CADPS: variants seen among roughly 807,000 people sequenced by gnomAD.
CADPS encodes the protein calcium dependent secretion activator.
In CADPS, 57 loss-of-function variants were observed where a neutral mutation model predicts 167.3. That is an observed-to-expected ratio of 0.34 (90% CI 0.28 to 0.42). CADPS has a LOEUF of 0.42. Ranked by LOEUF, CADPS falls within the 20% of genes least tolerant of loss-of-function variation. The pLI is 1.00. For missense variants in CADPS, 1,414 were observed against 1,738.1 expected, an observed-to-expected ratio of 0.81 and a Z score of 3.32; for synonymous variants, 676 against 635.3, an observed-to-expected ratio of 1.06 and a Z score of -0.96.
chr3:62,827,654 T>C (rs2074310023), intron 1 of CADPS, among the ~76,000 whole-genome samples: 1 of 152,192 alleles, frequency 6.6e-6, no homozygotes, highest in South Asian at 2.1e-4. Flanking sequence ...CAAATAGCTT[T>C]GATATACAAT....
intron 6 of CADPS, among the ~76,000 whole-genome samples, chr3:62,630,436 C>T (rs2065064396): frequency 6.6e-6 from 1 of 152,154 alleles, no homozygotes; most frequent in Non-Finnish European, 1.5e-5. Flanking sequence ...CACCTCTCAG[C>T]TTCAAGCCAT....
chr3:62,836,120 C>T (rs528127910), intron 1 of CADPS, among the ~76,000 whole-genome samples: 53 of 152,180 alleles, frequency 3.5e-4, no homozygotes, highest in Non-Finnish European at 6.5e-4. Context: ...AAAATGTTAA[C>T]CCTTACTGAT....
chr3:62,575,710 C>A (rs2082127966), intron 8 of CADPS, among the ~76,000 whole-genome samples: 1 of 152,212 alleles, frequency 6.6e-6, no homozygotes, highest in Non-Finnish European at 1.5e-5. Context: ...CACACTCTTC[C>A]TCCTTCCTTC....
intron 3 of CADPS, among the ~76,000 whole-genome samples, chr3:62,689,395 G>A (rs2078681400): frequency 6.6e-6 from 1 of 152,024 alleles, no homozygotes; most frequent in Non-Finnish European, 1.5e-5. Context: ...AAGAGAATAG[G>A]ATGCCATCTT....
Position 62,557,396 on chromosome 3 carries a change from G to A in CADPS, c.1753+9C>T, listed in dbSNP as rs1015593067. 9.4e-6 allele frequency: 15 copies of A among 1,598,698 alleles called. No individual in the cohort carries two copies. Among genetic ancestry groups the A allele is most frequent in the East Asian group, 2.2e-5 (1 of 44,810 alleles). On this transcript the variant is annotated intron_variant, in intron 10 of 29. Transcript: ENST00000383710. ...TTGTGGGCTCGTGGCCTTGAGGGTC[G>A]GTGGGTACCTGGCTGGGGGTCGGTG... is the stretch of plus-strand genomic sequence containing the variant.
intron 1 of CADPS, among the ~76,000 whole-genome samples, chr3:62,810,281 C>A (rs1029450575): frequency 1.3e-5 from 2 of 152,052 alleles, no homozygotes; most frequent in South Asian, 4.2e-4. Flanking sequence ...AAGGTAAAGA[C>A]GATAATGTTA....
At chr3:62,806,973 C>T (rs1408701035) in intron 1 of CADPS, among the ~76,000 whole-genome samples, 3 of 151,908 alleles carry the variant, frequency 2.0e-5, no homozygotes, top group South Asian at 2.1e-4. Flanking sequence ...CAAAAGAGAT[C>T]GCTTTTTAAA....
chr3:62,824,605 A>AAACC (rs2073687885), intron 1 of CADPS, among the ~76,000 whole-genome samples: 1 of 152,200 alleles, frequency 6.6e-6, no homozygotes, highest in Non-Finnish European at 1.5e-5. Flanking sequence ...ACAAACAAAC[A>AAACC]AAAATCCACA....
Position 62,554,369 on chromosome 3 carries a change from T to C in CADPS, c.1753+3036A>G, listed in dbSNP as rs143775242. Reference sequence around the variant, plus strand: ...CTTGTGTCTGGGGGAACCACGTAGATTGTAGGCTGGTACTAAGGCAACAAT... The same window carrying C: ...CTTGTGTCTGGGGGAACCACGTAGACTGTAGGCTGGTACTAAGGCAACAAT... On this transcript the variant is annotated intron_variant, in intron 10 of 29. Coordinates refer to ENST00000383710, the MANE Select transcript of CADPS (RefSeq NM_003716.4). Among the ~76,000 whole-genome samples, 503 of 152,294 alleles carry C rather than the reference T, an allele frequency of 3.3e-3. 4 individuals carry two copies. Among genetic ancestry groups the C allele is most frequent in the African/African-American group, 0.011 (476 of 41,578 alleles).
chr3:62,461,769 C>T (rs1405549574), intron 26 of CADPS, among the ~76,000 whole-genome samples: 1 of 152,184 alleles, frequency 6.6e-6, no homozygotes, highest in South Asian at 2.1e-4. Flanking sequence ...CTTTCTCTTG[C>T]TCTCCAGTTT....
chr3:62,542,148 TCA>T (rs2075787142), intron 11 of CADPS, among the ~76,000 whole-genome samples: 2 of 152,286 alleles, frequency 1.3e-5, no homozygotes, highest in South Asian at 4.1e-4. Flanking sequence ...CTCTTCTCTC[TCA>T]TGAATCCCTT....
In CADPS at chr3:62,602,374, G is replaced by A. The variant is rs924604678; in HGVS notation, c.1326-9626C>T. Among the ~76,000 whole-genome samples, 3 of 152,132 alleles carry A rather than the reference G, an allele frequency of 2.0e-5. No homozygotes were observed. Among genetic ancestry groups the A allele is most frequent in the Non-Finnish European group, 4.4e-5 (3 of 68,034 alleles). On this transcript the variant is annotated intron_variant, in intron 6 of 29. Transcript: ENST00000383710. This position sits in a 1 kb window ranked among gnomAD's most constrained non-coding sequence, Gnocchi z 4.4. ...TTTATTCAAGGTATACGGCTCATGTGAACTGGGTGTTAAATTGGTGCGGTT... is the reference window on the plus strand; with the variant it reads ...TTTATTCAAGGTATACGGCTCATGTAAACTGGGTGTTAAATTGGTGCGGTT...
intron 3 of CADPS, among the ~76,000 whole-genome samples, chr3:62,704,215 G>T: frequency 6.6e-6 from 1 of 152,090 alleles, no homozygotes; most frequent in Non-Finnish European, 1.5e-5. Context: ...AATAAAATAG[G>T]GTTTGAGACA....
intron 3 of CADPS, among the ~76,000 whole-genome samples, chr3:62,677,138 G>T (rs1273163753): frequency 6.6e-6 from 1 of 152,072 alleles, no homozygotes; most frequent in Admixed American, 6.6e-5. Flanking sequence ...GCAACCTTCA[G>T]TTTATTATCA....
At chr3:62,618,845 C>A (rs1344576419) in intron 6 of CADPS, among the ~76,000 whole-genome samples, 1 of 152,170 alleles carries the variant, frequency 6.6e-6, no homozygotes, top group East Asian at 1.9e-4. Context: ...TTTGTTGGCA[C>A]CTAGAAGGCC....
At chr3:62,686,139 C>G (rs2077995065) in intron 3 of CADPS, among the ~76,000 whole-genome samples, 1 of 151,948 alleles carries the variant, frequency 6.6e-6, no homozygotes, top group South Asian at 2.1e-4. Context: ...AATTTTTAAG[C>G]AAGACAATTA....
intron 3 of CADPS, among the ~76,000 whole-genome samples, chr3:62,683,102 G>C (rs1278011668): frequency 1.3e-5 from 2 of 152,036 alleles, no homozygotes; most frequent in African/African-American, 4.8e-5. Flanking sequence ...GGGATGGTCT[G>C]GGAAGGCAGG....
At chr3:62,684,001 T>G (rs1359731528) in intron 3 of CADPS, among the ~76,000 whole-genome samples, 1 of 152,062 alleles carries the variant, frequency 6.6e-6, no homozygotes, top group Non-Finnish European at 1.5e-5. Context: ...ATTTCTTTAC[T>G]GTACAGTTAC....
chr3:62,728,213 G>A (rs944903930), intron 3 of CADPS, among the ~76,000 whole-genome samples: 2 of 151,740 alleles, frequency 1.3e-5, no homozygotes, highest in Admixed American at 1.3e-4. Flanking sequence ...AAATGACAGA[G>A]CTGAAACTCA....
Sources: gnomAD v4.1 joint callset for allele counts (sites outside exome capture counted in the v4.1 genomes callset) on GRCh38, gnomAD v4.1.1 for gene constraint, Gnocchi (gnomAD v3.1) non-coding constraint, MANE v1.5 for transcripts, NCBI Gene and HGNC (gene_info 2026-07-23, HGNC 2026-07-21) for gene names.